EXOC3L4: variants seen among roughly 807,000 people sequenced by gnomAD.
The protein encoded by EXOC3L4 is exocyst complex component 3 like 4.
EXOC3L4 carries 62 observed loss-of-function variants against 69.7 expected under a neutral mutation model. The observed-to-expected ratio is 0.89, with a 90% confidence interval of 0.72 to 1.10. The LOEUF (loss-of-function observed/expected upper bound fraction) is 1.10, where lower values mean the gene tolerates loss of function less well. EXOC3L4 is among the 50% of genes least tolerant of loss of function. The probability of loss-of-function intolerance (pLI) is 0.00; values close to 1 mark genes in which losing one functional copy is unlikely to be tolerated. For missense variants in EXOC3L4, 1,087 were observed against 1,034.8 expected (o/e 1.05, Z -0.69); for synonymous variants, 502 against 464.2 (o/e 1.08, Z -1.05).
At position 103,100,505 on chromosome 14, in the gene EXOC3L4, G is replaced by GCTA; in HGVS notation, c.288_290dup (p.Thr97dup). The GCTA allele has an allele frequency of 1.2e-6, 2 of 1,612,982 alleles. No homozygotes were observed. Among genetic ancestry groups the GCTA allele is most frequent in the African/African-American group, 2.7e-5 (2 of 75,056 alleles). ...CCGGCAAGCCCTGAATGACGGCCCA[G>GCTA]CTACCGGCCATTCCCAGGCCACTCC... On this transcript the variant is annotated inframe_insertion, in exon 2 of 12. Coordinates refer to ENST00000688303, the MANE Select transcript of EXOC3L4 (RefSeq NM_001077594.2).
intron 10 of EXOC3L4, 92 bp from the exon 11 acceptor site, chr14:103,108,304 G>A: frequency 3.9e-6 from 6 of 1,534,714 alleles, no homozygotes; most frequent in Non-Finnish European, 5.3e-6. Context: ...CGCTGCGGGA[G>A]GGCTGACCTC....
At position 103,100,409 on chromosome 14, in the gene EXOC3L4, G is replaced by T; in HGVS notation, c.190G>T (p.Ala64Ser). The T allele has an allele frequency of 1.2e-6, 2 of 1,612,534 alleles. No homozygotes were observed. The highest frequency in any genetic ancestry group is 2.2e-5 in the East Asian group (1 of 44,868). Reference sequence around the variant, plus strand: ...GGCCTTCTCCCGGGCCAGCCAGCGGGCTTTGACCCAGGTCTCCAAGGAAGA... The same window carrying T: ...GGCCTTCTCCCGGGCCAGCCAGCGGTCTTTGACCCAGGTCTCCAAGGAAGA... ...RQAFSRASQR[A>S]LTQVSKEDTG... is the part of the protein sequence containing the mutation. Residue 64 changes from alanine to serine, a missense_variant, in exon 2 of 12, where the codon GCT becomes TCT. Coordinates refer to ENST00000688303, the MANE Select transcript of EXOC3L4 (RefSeq NM_001077594.2).
rs1890857698 is a variant in EXOC3L4 at position 103,110,229 on chromosome 14, T to C, written c.*6T>C. ...TGCTGATCACCTGCGTCTAGTTCTC[T>C]CTGGCTCGAGGGGGGGCCGGCCGCT... On this transcript the variant is annotated 3_prime_UTR_variant, in exon 12 of 12. Coordinates refer to ENST00000688303, the MANE Select transcript of EXOC3L4 (RefSeq NM_001077594.2). 2 of 1,500,976 alleles carry C rather than the reference T, an allele frequency of 1.3e-6. No individual in the cohort carries two copies. The highest frequency in any genetic ancestry group is 4.9e-5 in the East Asian group (2 of 40,424). The allele number at this position is 1,500,976 out of a possible 1,614,324, so 93.0% of individuals were successfully genotyped here. A position where few individuals can be genotyped will look rare whatever the true frequency, so the allele number is the denominator to read the frequency against.
At chr14:103,094,484 C>T (rs1889809627), upstream of EXOC3L4, among the ~76,000 whole-genome samples, 1 of 152,188 alleles carries the variant, frequency 6.6e-6, no homozygotes, top group Non-Finnish European at 1.5e-5. Flanking sequence ...AGCGTCCACC[C>T]CCTGCTGCCT....
Position 103,102,293 on chromosome 14 carries a change from A to G in EXOC3L4, c.570A>G (p.Ala190=), listed in dbSNP as rs534405358. Residue 190 remains alanine, a synonymous_variant, in exon 3 of 12, where the codon GCA becomes GCG. Coordinates refer to ENST00000688303, the MANE Select transcript of EXOC3L4 (RefSeq NM_001077594.2). ...TGTGCCTGCTTTACGACGGGCTGGC[A>G]GCCGAGATCGGCGCCATCGTGCGCG... ...MDVCLLYDGL[A]AEIGAIVRET... 6.3e-7 allele frequency: 1 copy of G among 1,575,882 alleles called. No individual in the cohort carries two copies. The highest frequency in any genetic ancestry group is 2.3e-5 in the East Asian group (1 of 42,944).
intron 1 of EXOC3L4, among the ~76,000 whole-genome samples, chr14:103,098,042 G>A (rs1163200267): frequency 6.6e-6 from 1 of 152,116 alleles, no homozygotes; most frequent in Non-Finnish European, 1.5e-5. Flanking sequence ...AGCTTGGGAA[G>A]CTGTTGGGAG....
rs758329486 is a variant in EXOC3L4, at chr14:103,102,555, C to G, written c.832C>G (p.Leu278Val). 1 of 1,436,786 alleles carries G rather than the reference C, an allele frequency of 7.0e-7. No individual in the cohort carries two copies. The highest frequency in any genetic ancestry group is 9.1e-7 in the Non-Finnish European group (1 of 1,097,376). 89.0% of individuals were successfully genotyped at this position (1,436,786 alleles called of 1,614,324 possible). ...EAEGASGLAQ[L>V]LAELGGLVRR... Reference sequence around the variant, plus strand: ...GGAGGGCGCGTCGGGTTTGGCCCAGCTTCTGGCCGAGCTGGGTGGCTTGGT... The same window carrying G: ...GGAGGGCGCGTCGGGTTTGGCCCAGGTTCTGGCCGAGCTGGGTGGCTTGGT... Residue 278 changes from leucine (L) to valine (V), a missense_variant, in exon 3 of 12, where the codon CTT (leucine) becomes GTT (valine). By Grantham distance (32) the Leu-to-Val change is conservative. Coordinates refer to ENST00000688303, the MANE Select transcript of EXOC3L4 (RefSeq NM_001077594.2).
At chr14:103,108,595 C>G in intron 11 of EXOC3L4, 78 bp downstream of exon 11, 2 of 1,557,762 alleles carry the variant, frequency 1.3e-6, no homozygotes, top group Non-Finnish European at 8.7e-7. Flanking sequence ...GCAACCCCAG[C>G]CCAGACCTGA....
rs548641972 is a variant in EXOC3L4, at chr14:103,101,332, C to T, written c.394+719C>T. ...CTTCCTGAAGTGCTGGGATTACAGG[C>T]GTGAGCCACCATGCCCAGCTGGACA... On this transcript the variant is annotated intron_variant, in intron 2 of 11. Coordinates refer to ENST00000688303, the MANE Select transcript of EXOC3L4 (RefSeq NM_001077594.2). Among the ~76,000 whole-genome samples, 9 of 152,332 alleles carry T rather than the reference C, an allele frequency of 5.9e-5. No individual in the cohort carries two copies. The South Asian group carries it at 1.7e-3, about 28-fold the overall frequency.
chr14:103,094,310 T>G (rs988171121), upstream of EXOC3L4, among the ~76,000 whole-genome samples: 1 of 152,080 alleles, frequency 6.6e-6, no homozygotes, highest in African/African-American at 2.4e-5. Context: ...GGTGCAGGGG[T>G]CTCGGGATGA....
At chr14:103,107,031 G>A (rs992217860) in intron 8 of EXOC3L4, 132 bp downstream of exon 8, 2 of 800,316 alleles carry the variant, frequency 2.5e-6, no homozygotes, top group South Asian at 3.8e-5. Context: ...GTAGGGTAGT[G>A]GGCAGGGGAC....
chr14:103,109,069 C>T (rs1453544200), intron 11 of EXOC3L4, among the ~76,000 whole-genome samples: 1 of 151,682 alleles, frequency 6.6e-6, no homozygotes, highest in East Asian at 2.0e-4. Flanking sequence ...AGAGAGTGGC[C>T]CTTACATCAC....
rs952512764 is a variant in EXOC3L4, at chr14:103,106,708, T to C, written c.1467-77T>C. The C allele has an allele frequency of 1.2e-5, 10 of 842,804 alleles. No homozygotes were observed. The African/African-American group carries it at 1.6e-4, about 13-fold the overall frequency. 52.2% of individuals were successfully genotyped at this position (842,804 alleles called of 1,614,324 possible). On this transcript the variant is annotated intron_variant, in intron 7 of 11. Transcript: ENST00000688303. Reference sequence around the variant, plus strand: ...CCCTTCACATTGTAGTCTAAGTGAGTGGAGCTGTGTGCCCGGCTCTATTCC... The same window carrying C: ...CCCTTCACATTGTAGTCTAAGTGAGCGGAGCTGTGTGCCCGGCTCTATTCC...
rs1236743433 is a variant in EXOC3L4, at chr14:103,102,673, A to ACAGCGCCGTGGCC, written c.958_970dup (p.Leu324ArgfsTer33). On this transcript the variant is annotated frameshift_variant, in exon 3 of 12. Transcript: ENST00000688303. LOFTEE classifies it high-confidence loss of function. ...TGGGAGGTCTATCTGCGTGCCTTCC[A>ACAGCGCCGTGGCC]CAGCGCCGTGGCCCAGCGCCTCCAG... 6 of 1,493,554 alleles carry ACAGCGCCGTGGCC rather than the reference A, an allele frequency of 4.0e-6. No homozygotes were observed. The highest frequency in any genetic ancestry group is 5.3e-6 in the Non-Finnish European group (6 of 1,126,922). 92.5% of individuals were successfully genotyped at this position (1,493,554 alleles called of 1,614,324 possible). A position where few individuals can be genotyped will look rare whatever the true frequency, so the allele number is the denominator to read the frequency against.
intron 1 of EXOC3L4, among the ~76,000 whole-genome samples, chr14:103,099,251 C>T (rs753352999): frequency 6.6e-6 from 1 of 152,226 alleles, no homozygotes; most frequent in Non-Finnish European, 1.5e-5. Context: ...GGAGGCCCCT[C>T]CCCTCTCCCA....
chr14:103,095,143 A>C (rs1889835259), intron 1 of EXOC3L4, among the ~76,000 whole-genome samples: 1 of 152,230 alleles, frequency 6.6e-6, no homozygotes, highest in Admixed American at 6.5e-5. Context: ...TCATGCACAT[A>C]CAGGGAGACA....
At position 103,100,588 on chromosome 14, in the gene EXOC3L4, G is replaced by C. The variant is rs554477485; in HGVS notation, c.369G>C (p.Ala123=). Residue 123 remains alanine (A), a synonymous_variant, in exon 2 of 12, where the codon GCG becomes GCC. Transcript: ENST00000688303. ...GVSQQASTGA[A]SEELKPEAEG... Reference sequence around the variant, plus strand: ...GCCAGCAGGCATCCACTGGGGCAGCGTCTGAGGAACTGAAACCCGAGGCAG... The same window carrying C: ...GCCAGCAGGCATCCACTGGGGCAGCCTCTGAGGAACTGAAACCCGAGGCAG... 1.9e-6 allele frequency: 3 copies of C among 1,605,470 alleles called. No homozygotes were observed. Among genetic ancestry groups the C allele is most frequent in the African/African-American group, 1.3e-5 (1 of 74,790 alleles).
chr14:103,099,654 G>A (rs1402291131), intron 1 of EXOC3L4, among the ~76,000 whole-genome samples: 6 of 152,202 alleles, frequency 3.9e-5, no homozygotes. Flanking sequence ...GAAGGGGGTG[G>A]GCTCCCATGG....
chr14:103,103,367 A>AAAAAAG lies in EXOC3L4; in HGVS notation c.1050-570_1050-569insAGAAAA, dbSNP rs1383805182. ...AAGACTCTGTCTCAAAAAAAAAAAA[A>AAAAAAG]AAAAGAAAGAAAGAAAGAAAAGAAA... On this transcript the variant is annotated intron_variant, in intron 3 of 11. Transcript: ENST00000688303. Among the ~76,000 whole-genome samples, 732 of 149,724 alleles carry AAAAAAG rather than the reference A, an allele frequency of 4.9e-3. 14 individuals are homozygous for AAAAAAG. Among genetic ancestry groups the AAAAAAG allele is most frequent in the African/African-American group, 0.017 (692 of 39,644 alleles).
Sources: gnomAD v4.1 joint callset for allele counts (sites outside exome capture counted in the v4.1 genomes callset) on GRCh38, gnomAD v4.1.1 for gene constraint, MANE v1.5 for transcripts, NCBI Gene and HGNC (gene_info 2026-07-23, HGNC 2026-07-21) for gene names.